ATP7A: variants seen among roughly 807,000 people sequenced by gnomAD.
The protein encoded by ATP7A is copper-transporting ATPase 1.
In ATP7A, 7 loss-of-function variants were observed where a neutral mutation model predicts 83.5. The ratio of observed to expected loss-of-function variants is 0.08; its 90% CI spans 0.05 to 0.16. The LOEUF is 0.16. Among genes scored for constraint, ATP7A ranks in the 10% least tolerant of loss-of-function variants. ATP7A has a pLI of 1.00. For synonymous variants in ATP7A, 354 were observed against 395.2 expected, an observed-to-expected ratio of 0.90 and a Z score of 1.24; for missense variants, 940 against 1,120.8, an observed-to-expected ratio of 0.84 and a Z score of 2.30.
At chrX:77,932,385 A>C (rs1425268641) in intron 1 of ATP7A, among the ~76,000 whole-genome samples, 5 of 79,902 alleles carry the variant, frequency 6.3e-5, no homozygotes, top group Non-Finnish European at 1.2e-4. Flanking sequence ...CCTAGATGGG[A>C]TGGCGGCCGG....
chrX:78,030,337 G>A (rs565061583), intron 15 of ATP7A, among the ~76,000 whole-genome samples: 2 of 109,937 alleles, frequency 1.8e-5, no homozygotes, highest in African/African-American at 6.6e-5. Flanking sequence ...CAGGAGAATC[G>A]CTTGAGCCCG....
chrX:77,992,752 C>T (rs1335952865), intron 4 of ATP7A, among the ~76,000 whole-genome samples: 2 of 110,890 alleles, frequency 1.8e-5, no homozygotes, highest in Non-Finnish European at 3.8e-5. Flanking sequence ...GCTGGGATTA[C>T]AGGTGCACGC....
intron 1 of ATP7A, among the ~76,000 whole-genome samples, chrX:77,946,074 A>C (rs955160618): frequency 9.0e-6 from 1 of 111,146 alleles, no homozygotes; most frequent in Non-Finnish European, 1.9e-5. Context: ...CCTAAGTGTG[A>C]GGACTGCTTG....
intron 21 of ATP7A, among the ~76,000 whole-genome samples, chrX:78,044,935 A>G (rs782490382): frequency 8.9e-6 from 1 of 112,467 alleles, no homozygotes; most frequent in East Asian, 2.8e-4. Context: ...TAAGTCCAGT[A>G]AGATTAATTC....
At position 78,003,094 on chromosome X, in the gene ATP7A, C is replaced by G; in HGVS notation, c.1565C>G (p.Ala522Gly). 6 of 1,209,240 alleles carry G rather than the reference C, an allele frequency of 5.0e-6. No individual in the cohort carries two copies. The highest frequency in any genetic ancestry group is 6.7e-6 in the Non-Finnish European group (6 of 893,787). ...TTAGGAATATATTCTATACTTGTGGCCCTGATGGCTGGCAAGGCAGAAGTA... is the reference window on the plus strand; with the variant it reads ...TTAGGAATATATTCTATACTTGTGGGCCTGATGGCTGGCAAGGCAGAAGTA... Reference protein sequence around the residue: ...REEGIYSILVALMAGKAEVRY... With the variant: ...REEGIYSILVGLMAGKAEVRY... Residue 522 changes from alanine to glycine, a missense_variant, in exon 6 of 23, where the codon GCC becomes GGC. Physicochemically the swap from Ala to Gly is moderately conservative, Grantham distance 60. This residue lies in a region of ATP7A where 350 missense variants were observed against 432.8 expected (regional missense o/e 0.81). Transcript: ENST00000341514.
At chrX:77,914,981 C>G (rs182201175) in intron 1 of ATP7A, among the ~76,000 whole-genome samples, 6 of 110,771 alleles carry the variant, frequency 5.4e-5, no homozygotes, top group East Asian at 2.8e-4. Context: ...CATTGTATTG[C>G]GATATATTGT....
At chrX:78,001,623 A>AAC (rs2077739073) in intron 5 of ATP7A, among the ~76,000 whole-genome samples, 1 of 111,528 alleles carries the variant, frequency 9.0e-6, no homozygotes, top group Non-Finnish European at 1.9e-5. Flanking sequence ...TACTTATTTA[A>AAC]AGCTATTAAA....
At chrX:77,955,637 G>A (rs1557227262) in intron 1 of ATP7A, among the ~76,000 whole-genome samples, 1 of 111,060 alleles carries the variant, frequency 9.0e-6, no homozygotes, top group Non-Finnish European at 1.9e-5. Flanking sequence ...ATTTATCAGT[G>A]CTTTGTGATG....
At position 77,934,502 on chromosome X, in the gene ATP7A, A is replaced by G. The variant is rs1557224875; in HGVS notation, c.-22+23667A>G. Among the ~76,000 whole-genome samples the G allele has an allele frequency of 3.6e-5, 4 of 111,612 alleles. No homozygotes were observed. In the East Asian group the frequency reaches 8.4e-4, roughly 23 times the overall value. On this transcript the variant is annotated intron_variant, in intron 1 of 22. Transcript: ENST00000341514. Reference sequence around the variant, plus strand: ...TAGAAGTCTCTCTTTGATATTTTGGACAGATATGATGTCTTGTTCTGTTAT... The same window carrying G: ...TAGAAGTCTCTCTTTGATATTTTGGGCAGATATGATGTCTTGTTCTGTTAT...
In ATP7A at chrX:78,046,870, A is replaced by ATT; in HGVS notation, c.*309_*310dup. The ATT allele has an allele frequency of 5.9e-6, 1 of 169,565 alleles. No individual in the cohort carries two copies. The allele number at this position is 169,565 out of a possible 1,213,427, so 14.0% of individuals were successfully genotyped here. On this transcript the variant is annotated 3_prime_UTR_variant, in exon 23 of 23. Transcript: ENST00000341514. Reference sequence around the variant, plus strand: ...AGATTGCTGAACTGCTGCTAAAGTGATTTTTTTTTTATTTGACCAAAAAAA... The same window carrying ATT: ...AGATTGCTGAACTGCTGCTAAAGTGATTTTTTTTTTTTATTTGACCAAAAAAA...
chrX:77,992,750 T>A (rs2077677317), intron 4 of ATP7A, among the ~76,000 whole-genome samples: 1 of 110,946 alleles, frequency 9.0e-6, no homozygotes, highest in South Asian at 3.8e-4. Context: ...TAGCTGGGAT[T>A]ACAGGTGCAC....
In ATP7A at chrX:78,049,594, A is replaced by G. The variant is rs1378736963; in HGVS notation, c.*3024A>G. On this transcript the variant is annotated 3_prime_UTR_variant, in exon 23 of 23. Coordinates refer to ENST00000341514, the MANE Select transcript of ATP7A (RefSeq NM_000052.7). ...ATGGTGTGTCATTTGTGAAAATAGAAACGTTATTTTTCCTAGTTTAGTATC... is the reference window on the plus strand; with the variant it reads ...ATGGTGTGTCATTTGTGAAAATAGAGACGTTATTTTTCCTAGTTTAGTATC... 8.9e-6 allele frequency: 1 copy of G among 112,684 alleles called. No homozygotes were observed. The allele number at this position is 112,684 out of a possible 1,213,427, so 9.3% of individuals were successfully genotyped here.
At chrX:78,030,528 CTG>C (rs1200581555) in intron 15 of ATP7A, among the ~76,000 whole-genome samples, 1 of 110,476 alleles carries the variant, frequency 9.1e-6, no homozygotes, top group African/African-American at 3.3e-5. Context: ...CTTATGTAAA[CTG>C]TAGTACAACT....
chrX:77,933,954 G>T (rs2077304781), intron 1 of ATP7A, among the ~76,000 whole-genome samples: 1 of 112,225 alleles, frequency 8.9e-6, no homozygotes, highest in East Asian at 2.8e-4. Flanking sequence ...TTTTTTAGCT[G>T]TTAAACCACA....
intron 11 of ATP7A, among the ~76,000 whole-genome samples, chrX:78,015,016 A>C (rs1267848680): frequency 1.8e-5 from 2 of 112,206 alleles, no homozygotes; most frequent in East Asian, 5.5e-4. Context: ...TGATATAACT[A>C]TACTACCGTA....
intron 1 of ATP7A, chrX:77,963,157 A>T (rs781795012): frequency 3.7e-5 from 5 of 136,235 alleles, no homozygotes; most frequent in Non-Finnish European, 7.2e-5. Context: ...TTATCAGTAG[A>T]TAGTTAATAT....
intron 1 of ATP7A, among the ~76,000 whole-genome samples, chrX:77,937,887 T>TCACACACA (rs782049494): frequency 2.0e-5 from 2 of 101,024 alleles, no homozygotes; most frequent in African/African-American, 7.3e-5. Context: ...TCTCTCTCTC[T>TCACACACA]CACACACACA....
Position 78,011,575 on chromosome X carries a change from A to G in ATP7A, c.2073A>G (p.Glu691=). The G allele has an allele frequency of 8.3e-7, 1 of 1,211,565 alleles. No homozygotes were observed. Among genetic ancestry groups the G allele is most frequent in the East Asian group, 3.0e-5 (1 of 33,824 alleles). The change falls in exon 9 of 23, where the codon GAA becomes GAG. Residue 691 remains glutamate (E), a synonymous_variant. Coordinates refer to ENST00000341514, the MANE Select transcript of ATP7A (RefSeq NM_000052.7). ...LHHNQNMSKE[E]MINLHSSMFL... ...ATAATCAAAACATGAGTAAAGAAGA[A>G]ATGATCAACCTTCATTCTTCTATGT... is the stretch of plus-strand genomic sequence containing the variant.
chrX:77,931,458 C>T (rs1557224222), intron 1 of ATP7A, among the ~76,000 whole-genome samples: 1 of 112,324 alleles, frequency 8.9e-6, no homozygotes, highest in Non-Finnish European at 1.9e-5. Context: ...AATCTTTTCC[C>T]CACCTTTCCT....
Sources: allele counts gnomAD v4.1 joint callset (sites outside exome capture counted in the v4.1 genomes callset), GRCh38; gene constraint gnomAD v4.1.1; regional missense constraint gnomAD v4.1.1; transcripts MANE v1.5; gene names NCBI Gene and HGNC (gene_info 2026-07-23, HGNC 2026-07-21).